The following RBFOX1 variants were observed in gnomAD, a reference collection of about 807,000 sequenced individuals.
The protein encoded by RBFOX1 is RNA binding protein fox-1 homolog 1.
In RBFOX1, 8 loss-of-function variants were observed where a neutral mutation model predicts 57.7. The ratio of observed to expected loss-of-function variants is 0.14; its 90% confidence interval spans 0.08 to 0.25. The LOEUF (loss-of-function observed/expected upper bound fraction) is 0.25. Among genes scored for constraint, RBFOX1 ranks in the 10% least tolerant of loss-of-function variants. RBFOX1 has a pLI of 1.00. For synonymous variants in RBFOX1, 326 were observed against 222.4 expected (o/e 1.47, Z -4.15); for missense variants, 611 against 548.5 (o/e 1.11, Z -1.14).
At chr16:6,252,322 A>G (rs2097622186) in intron 1 of RBFOX1, among the ~76,000 whole-genome samples, 1 of 152,168 alleles carries the variant, frequency 6.6e-6, no homozygotes, top group South Asian at 2.1e-4. Context: ...AGAAGAATCT[A>G]TTTCGAGGAT....
At chr16:6,791,710 G>A (rs1029119920) in intron 3 of RBFOX1, among the ~76,000 whole-genome samples, 1 of 152,156 alleles carries the variant, frequency 6.6e-6, no homozygotes, top group African/African-American at 2.4e-5. Flanking sequence ...AGTGAGCAGA[G>A]ATCGTGCCAC....
At chr16:5,780,129 A>C (rs1358187415) in intron 3 of RBFOX1, among the ~76,000 whole-genome samples, 1 of 152,160 alleles carries the variant, frequency 6.6e-6, no homozygotes, top group Non-Finnish European at 1.5e-5. Flanking sequence ...CAGCATCCAG[A>C]GTAGATGGGA....
At chr16:6,757,768 C>T (rs62017642) in intron 3 of RBFOX1, among the ~76,000 whole-genome samples, 37,554 of 151,958 alleles carry the variant, frequency 0.25, 5,169 homozygotes, top group Non-Finnish European at 0.31. Context: ...ATTTATTGTA[C>T]ATTTCAAAGT....
chr16:5,530,423 T>C (rs1447924023), intron 2 of RBFOX1, among the ~76,000 whole-genome samples: 1 of 152,152 alleles, frequency 6.6e-6, no homozygotes, highest in Non-Finnish European at 1.5e-5. Context: ...AGCTATTAGA[T>C]GGAGGAGTTA....
At chr16:5,430,955 G>A (rs1459292749) in intron 1 of RBFOX1, among the ~76,000 whole-genome samples, 2 of 152,166 alleles carry the variant, frequency 1.3e-5, no homozygotes, top group Admixed American at 6.5e-5. Flanking sequence ...CAGTAACACC[G>A]CAGTGCATAA....
chr16:6,103,477 GT>G (rs1238484156), intron 1 of RBFOX1, among the ~76,000 whole-genome samples: 1 of 152,092 alleles, frequency 6.6e-6, no homozygotes, highest in African/African-American at 2.4e-5. Flanking sequence ...GGTTGATGCT[GT>G]AACAAACATC....
chr16:5,365,763 C>T (rs2065695094), intron 1 of RBFOX1: 2 of 482,684 alleles, frequency 4.1e-6, no homozygotes, highest in Non-Finnish European at 8.2e-6. Context: ...CTCTGTCCGC[C>T]TTCTCTCCCA....
intron 3 of RBFOX1, among the ~76,000 whole-genome samples, chr16:6,767,208 C>A (rs565736945): frequency 1.3e-5 from 2 of 152,056 alleles, no homozygotes; most frequent in East Asian, 1.9e-4. Flanking sequence ...AGCCAGCTGG[C>A]ATAACTCCAA....
At chr16:6,340,957 A>G (rs1599817474) in intron 2 of RBFOX1, among the ~76,000 whole-genome samples, 1 of 152,260 alleles carries the variant, frequency 6.6e-6, no homozygotes, top group South Asian at 2.1e-4. Context: ...AACCAGAAGA[A>G]AAAAGGGGAA....
At chr16:6,558,075 A>C (rs1207411618) in intron 2 of RBFOX1, among the ~76,000 whole-genome samples, 1 of 152,186 alleles carries the variant, frequency 6.6e-6, no homozygotes, top group Non-Finnish European at 1.5e-5. Flanking sequence ...TCTCTATGTT[A>C]GTCACTTAAA....
At chr16:6,236,883 G>T (rs1598663440) in intron 1 of RBFOX1, among the ~76,000 whole-genome samples, 1 of 152,160 alleles carries the variant, frequency 6.6e-6, no homozygotes, top group Non-Finnish European at 1.5e-5. Flanking sequence ...GAGGCTCAGA[G>T]TATTCAAGCC....
chr16:6,237,693 A>T (rs2097516082), intron 1 of RBFOX1, among the ~76,000 whole-genome samples: 1 of 152,080 alleles, frequency 6.6e-6, no homozygotes, highest in Admixed American at 6.6e-5. Flanking sequence ...GTGAGCCACG[A>T]TCACACCACT....
At chr16:5,304,681 G>C (rs562725739) in intron 1 of RBFOX1, among the ~76,000 whole-genome samples, 21 of 152,292 alleles carry the variant, frequency 1.4e-4, no homozygotes, top group African/African-American at 4.8e-4. Flanking sequence ...GAGCTCATGG[G>C]CTAGCAGGGA....
chr16:6,505,068 G>A lies in RBFOX1; in HGVS notation c.-63-149535G>A, dbSNP rs142699823. On this transcript the variant is annotated intron_variant, in intron 2 of 15. Coordinates refer to ENST00000550418, the MANE Select transcript of RBFOX1 (RefSeq NM_018723.4). ...ATCTTGGGCAACAGAGTGACACTCC[G>A]TCTCAATAAATAAATAAATAAAAAT... 1.2e-4 allele frequency among the ~76,000 whole-genome samples: 19 copies of A among 152,160 alleles called. No homozygotes were observed. The East Asian group carries it at 1.4e-3, about 11-fold the overall frequency.
intron 1 of RBFOX1, among the ~76,000 whole-genome samples, chr16:6,245,458 G>A (rs1212070936): frequency 6.6e-6 from 1 of 152,132 alleles, no homozygotes; most frequent in Non-Finnish European, 1.5e-5. Context: ...TTTGTAGAGT[G>A]CAGACCCTGG....
At position 5,746,338 on chromosome 16, in the gene RBFOX1, G is replaced by A. The variant is rs112883703; in HGVS notation, c.319-120965G>A. ...CCAGTACCATGCTGTTTTGGTTACT[G>A]TAGCCTTGTAGTATAGTTTGCAGTC... is the stretch of plus-strand genomic sequence containing the variant. On this transcript the variant is annotated intron_variant, in intron 3 of 19. Transcript: ENST00000641259. Among the ~76,000 whole-genome samples, 1,031 of 152,286 alleles carry A rather than the reference G, an allele frequency of 6.8e-3. 13 individuals are homozygous for A. Among genetic ancestry groups the A allele is most frequent in the African/African-American group, 0.021 (866 of 41,550 alleles).
chr16:6,373,157 T>C (rs2090708782), intron 2 of RBFOX1, among the ~76,000 whole-genome samples: 1 of 151,932 alleles, frequency 6.6e-6, no homozygotes, highest in African/African-American at 2.4e-5. Flanking sequence ...GTTTAGGATC[T>C]TTGGGTAGGA....
chr16:6,442,201 G>A (rs2094397481), intron 2 of RBFOX1, among the ~76,000 whole-genome samples: 1 of 152,130 alleles, frequency 6.6e-6, no homozygotes, highest in African/African-American at 2.4e-5. Context: ...AAAAATTCCT[G>A]GGTGGGACTT....
In RBFOX1 at chr16:6,968,658, C is replaced by T. The variant is rs12102313; in HGVS notation, c.-15-83399C>T. Among the ~76,000 whole-genome samples, 642 of 152,194 alleles carry T rather than the reference C, an allele frequency of 4.2e-3. 8 individuals are homozygous for T. Among genetic ancestry groups the T allele is most frequent in the African/African-American group, 0.015 (610 of 41,532 alleles). On this transcript the variant is annotated intron_variant, in intron 3 of 15. Coordinates refer to ENST00000550418, the MANE Select transcript of RBFOX1 (RefSeq NM_018723.4). ...CAACGTGCCACCATCCCACAGGACT[C>T]GAGGAAGCCCACAAGGTGCTGGCCT... is the stretch of plus-strand genomic sequence containing the variant.
Sources: gnomAD v4.1 joint callset for allele counts (sites outside exome capture counted in the v4.1 genomes callset) on GRCh38, gnomAD v4.1.1 for gene constraint, MANE v1.5 for transcripts, NCBI Gene and HGNC (gene_info 2026-07-23, HGNC 2026-07-21) for gene names.